OR5D16: variants seen among roughly 807,000 people sequenced by gnomAD.
OR5D16 encodes the protein olfactory receptor 5D16.
For missense variants in OR5D16, 477 were observed against 385.5 expected (o/e 1.24, Z -1.99); for synonymous variants, 185 against 153.2 (o/e 1.21, Z -1.53).
In OR5D16 at chr11:55,839,702, G is replaced by A. The variant is rs373571239; in HGVS notation, c.951G>A (p.Arg317=). 8 of 1,593,484 alleles carry A rather than the reference G, an allele frequency of 5.0e-6. No homozygotes were observed. The African/African-American group carries it at 6.7e-5, about 13-fold the overall frequency. Residue 317 remains arginine (R), a synonymous_variant, in exon 1 of 1, where the codon AGG becomes AGA. Transcript: ENST00000378396. The stretch of plus-strand genomic sequence containing the variant: ...CAAAATATTTTCATATTAAACATAG[G>A]CATTGGTATCCATTTAATTTTGTTA... ...INTKYFHIKH[R]HWYPFNFVIE...
At position 55,838,992 on chromosome 11, in the gene OR5D16, C is replaced by G; in HGVS notation, c.241C>G (p.Pro81Ala). The G allele has an allele frequency of 6.2e-7, 1 of 1,613,958 alleles. No individual in the cohort carries two copies. Among genetic ancestry groups the G allele is most frequent in the Non-Finnish European group, 8.5e-7 (1 of 1,179,858 alleles). The change falls in exon 1 of 1, where the codon CCC becomes GCC. Residue 81 changes from proline to alanine, a missense_variant. By Grantham distance (27) the Pro-to-Ala change is conservative (BLOSUM62 -1). Transcript: ENST00000378396. ...TTTCTGCTATTCCTCCATCATTGCT[C>G]CCATGATGCTGGTGAACCTGGTTGT... Reference protein sequence around the residue: ...VDFCYSSIIAPMMLVNLVVED... With the variant: ...VDFCYSSIIAAMMLVNLVVED...
In OR5D16 at chr11:55,839,012, G is replaced by C. The variant is rs1215799916; in HGVS notation, c.261G>C (p.Leu87=). Residue 87 remains leucine, a synonymous_variant, in exon 1 of 1, where the codon CTG becomes CTC. Coordinates refer to ENST00000378396, the MANE Select transcript of OR5D16 (RefSeq NM_001005496.1). The part of the protein sequence containing the change: ...SIIAPMMLVN[L]VVEDRTISFS... ...TTGCTCCCATGATGCTGGTGAACCTGGTTGTAGAAGATAGAACCATTTCAT... is the reference window on the plus strand; with the variant it reads ...TTGCTCCCATGATGCTGGTGAACCTCGTTGTAGAAGATAGAACCATTTCAT... 1 of 1,614,056 alleles carries C rather than the reference G, an allele frequency of 6.2e-7. No individual in the cohort carries two copies. The highest frequency in any genetic ancestry group is 1.7e-5 in the Admixed American group (1 of 60,002).
rs1179383611 is a variant in OR5D16, at chr11:55,838,984, T to A, written c.233T>A (p.Ile78Asn). The part of the protein sequence containing the change: ...LSFVDFCYSS[I>N]IAPMMLVNLV... ...TTTGTGGATTTCTGCTATTCCTCCA[T>A]CATTGCTCCCATGATGCTGGTGAAC... is the stretch of plus-strand genomic sequence containing the variant. Residue 78 changes from isoleucine to asparagine, a missense_variant, in exon 1 of 1, where the codon ATC becomes AAC. Transcript: ENST00000378396. 1.9e-6 allele frequency: 3 copies of A among 1,613,982 alleles called. No individual in the cohort carries two copies. The highest frequency in any genetic ancestry group is 1.3e-5 in the African/African-American group (1 of 74,918).
In OR5D16 at chr11:55,839,044, G is replaced by A; in HGVS notation, c.293G>A (p.Gly98Glu). The stretch of plus-strand genomic sequence containing the variant: ...GAAGATAGAACCATTTCATTCTCAG[G>A]ATGTTTGGTGCAATTCTTTTTCTTT... ...VVEDRTISFS[G>E]CLVQFFFFCT... Residue 98 changes from glycine to glutamate, a missense_variant, in exon 1 of 1, where the codon GGA (glycine) becomes GAA (glutamate). Transcript: ENST00000378396. 6.2e-7 allele frequency: 1 copy of A among 1,613,978 alleles called. No individual in the cohort carries two copies. Among genetic ancestry groups the A allele is most frequent in the Non-Finnish European group, 8.5e-7 (1 of 1,179,958 alleles).
At position 55,839,048 on chromosome 11, in the gene OR5D16, T is replaced by C; in HGVS notation, c.297T>C (p.Cys99=). The C allele has an allele frequency of 6.2e-7, 1 of 1,614,062 alleles. No homozygotes were observed. The highest frequency in any genetic ancestry group is 1.1e-5 in the South Asian group (1 of 91,084). The change falls in exon 1 of 1, where the codon TGT becomes TGC. Residue 99 remains cysteine, a synonymous_variant. Transcript: ENST00000378396. ...VEDRTISFSG[C]LVQFFFFCTF... is the part of the protein sequence containing the mutation. ...ATAGAACCATTTCATTCTCAGGATG[T>C]TTGGTGCAATTCTTTTTCTTTTGCA...
Position 55,839,461 on chromosome 11 carries a change from G to T in OR5D16, c.710G>T (p.Arg237Leu). 2 of 1,613,902 alleles carry T rather than the reference G, an allele frequency of 1.2e-6. No homozygotes were observed. The highest frequency in any genetic ancestry group is 1.7e-6 in the Non-Finnish European group (2 of 1,179,928). The change falls in exon 1 of 1, where the codon CGC becomes CTC. Residue 237 changes from arginine to leucine, a missense_variant. Arg to Leu is a moderately radical substitution (Grantham distance 102, BLOSUM62 -2). Coordinates refer to ENST00000378396, the MANE Select transcript of OR5D16 (RefSeq NM_001005496.1). ...TLKMPSASGHRKVFSTCASHL... is the reference protein window; with the variant it reads ...TLKMPSASGHLKVFSTCASHL... ...AAGATGCCTTCAGCCAGTGGGCACC[G>T]CAAAGTCTTCTCCACCTGTGCCTCC...
rs1854059627 is a variant in OR5D16 at position 55,839,376 on chromosome 11, G to A, written c.625G>A (p.Glu209Lys). ...LLLFTVATFNEISTLLIILTS... is the reference protein window; with the variant it reads ...LLLFTVATFNKISTLLIILTS... ...TCTTTTCACTGTTGCCACTTTTAAT[G>A]AGATAAGCACACTACTCATCATTCT... is the stretch of plus-strand genomic sequence containing the variant. The change falls in exon 1 of 1, where the codon GAG becomes AAG. Residue 209 changes from glutamate (E) to lysine (K), a missense_variant. Physicochemically the swap from Glu to Lys is moderately conservative, Grantham distance 56. Transcript: ENST00000378396. The A allele has an allele frequency of 6.2e-7, 1 of 1,613,896 alleles. No homozygotes were observed. The highest frequency in any genetic ancestry group is 1.1e-5 in the South Asian group (1 of 91,080).
Position 55,839,425 on chromosome 11 carries a change from T to C in OR5D16, c.674T>C (p.Val225Ala), listed in dbSNP as rs1854063576. Residue 225 changes from valine to alanine, a missense_variant, in exon 1 of 1, where the codon GTC becomes GCC. Val to Ala is a moderately conservative substitution (Grantham distance 64). Coordinates refer to ENST00000378396, the MANE Select transcript of OR5D16 (RefSeq NM_001005496.1). ...IILTSYAFII[V>A]TTLKMPSASG... is the part of the protein sequence containing the mutation. The stretch of plus-strand genomic sequence containing the variant: ...CTGACATCTTATGCATTCATCATTG[T>C]CACCACCTTGAAGATGCCTTCAGCC... 1 of 1,614,074 alleles carries C rather than the reference T, an allele frequency of 6.2e-7. No homozygotes were observed. Among genetic ancestry groups the C allele is most frequent in the East Asian group, 2.2e-5 (1 of 44,868 alleles).
In OR5D16 at chr11:55,839,387, A is replaced by G; in HGVS notation, c.636A>G (p.Thr212=). 1 of 1,614,008 alleles carries G rather than the reference A, an allele frequency of 6.2e-7. No homozygotes were observed. The highest frequency in any genetic ancestry group is 8.5e-7 in the Non-Finnish European group (1 of 1,179,906). The part of the protein sequence containing the change: ...FTVATFNEIS[T]LLIILTSYAF... ...TTGCCACTTTTAATGAGATAAGCAC[A>G]CTACTCATCATTCTGACATCTTATG... is the stretch of plus-strand genomic sequence containing the variant. Residue 212 remains threonine (T), a synonymous_variant, in exon 1 of 1, where the codon ACA becomes ACG. Transcript: ENST00000378396.
Position 55,838,997 on chromosome 11 carries a change from G to C in OR5D16, c.246G>C (p.Met82Ile). The C allele has an allele frequency of 6.2e-7, 1 of 1,614,062 alleles. No individual in the cohort carries two copies. Among genetic ancestry groups the C allele is most frequent in the African/African-American group, 1.3e-5 (1 of 75,038 alleles). Residue 82 changes from methionine to isoleucine, a missense_variant, in exon 1 of 1, where the codon ATG (methionine) becomes ATC (isoleucine). Coordinates refer to ENST00000378396, the MANE Select transcript of OR5D16 (RefSeq NM_001005496.1). ...GCTATTCCTCCATCATTGCTCCCATGATGCTGGTGAACCTGGTTGTAGAAG... is the reference window on the plus strand; with the variant it reads ...GCTATTCCTCCATCATTGCTCCCATCATGCTGGTGAACCTGGTTGTAGAAG... The part of the protein sequence containing the change: ...DFCYSSIIAP[M>I]MLVNLVVEDR...
chr11:55,839,525 C>T lies in OR5D16; in HGVS notation c.774C>T (p.Leu258=), dbSNP rs759786494. 21 of 1,614,134 alleles carry T rather than the reference C, an allele frequency of 1.3e-5. No homozygotes were observed. The highest frequency in any genetic ancestry group is 1.8e-5 in the Non-Finnish European group (21 of 1,179,984). The change falls in exon 1 of 1, where the codon CTC becomes CTT. Residue 258 remains leucine, a synonymous_variant. Transcript: ENST00000378396. The part of the protein sequence containing the change: ...TAITIFHGTI[L]FLYCVPNSKN... Reference sequence around the variant, plus strand: ...TCACCATCTTCCATGGCACCATCCTCTTCCTCTACTGTGTACCCAACTCCA... The same window carrying T: ...TCACCATCTTCCATGGCACCATCCTTTTCCTCTACTGTGTACCCAACTCCA...
Position 55,839,523 on chromosome 11 carries a change from C to T in OR5D16, c.772C>T (p.Leu258Phe), listed in dbSNP as rs1325107304. 3.1e-6 allele frequency: 5 copies of T among 1,614,122 alleles called. No homozygotes were observed. Among genetic ancestry groups the T allele is most frequent in the South Asian group, 2.2e-5 (2 of 91,084 alleles). The part of the protein sequence containing the change: ...TAITIFHGTI[L>F]FLYCVPNSKN... ...CATCACCATCTTCCATGGCACCATCCTCTTCCTCTACTGTGTACCCAACTC... is the reference window on the plus strand; with the variant it reads ...CATCACCATCTTCCATGGCACCATCTTCTTCCTCTACTGTGTACCCAACTC... The change falls in exon 1 of 1, where the codon CTC becomes TTC. Residue 258 changes from leucine to phenylalanine, a missense_variant. Physicochemically the swap from Leu to Phe is conservative, Grantham distance 22. Transcript: ENST00000378396.
rs577805845 is a variant in OR5D16 at position 55,839,598 on chromosome 11, G to T, written c.847G>T (p.Val283Leu). ...VKVASVFYTV[V>L]IPLLNPLIYS... is the part of the protein sequence containing the mutation. ...AGTGGCCTCTGTGTTTTACACCGTG[G>T]TGATCCCCTTGTTGAATCCCCTGAT... The change falls in exon 1 of 1, where the codon GTG becomes TTG. Residue 283 changes from valine (V) to leucine (L), a missense_variant. Coordinates refer to ENST00000378396, the MANE Select transcript of OR5D16 (RefSeq NM_001005496.1). 19 of 1,613,956 alleles carry T rather than the reference G, an allele frequency of 1.2e-5. No individual in the cohort carries two copies. Among genetic ancestry groups the T allele is most frequent in the South Asian group, 4.4e-5 (4 of 91,066 alleles).
rs1362556633 is a variant in OR5D16 at position 55,838,787 on chromosome 11, C to A, written c.36C>A (p.Ala12=). The change falls in exon 1 of 1, where the codon GCC becomes GCA. Residue 12 remains alanine (A), a synonymous_variant. Transcript: ENST00000378396. ...FLTERNTTSE[A]TFTLLGFSDY... is the part of the protein sequence containing the mutation. ...CAGAGAGAAATACGACATCTGAGGC[C>A]ACATTCACTCTCTTGGGCTTCTCAG... The A allele has an allele frequency of 3.7e-6, 6 of 1,612,604 alleles. 1 individual carries two copies. The South Asian group carries it at 5.5e-5, about 15-fold the overall frequency.
At position 55,839,638 on chromosome 11, in the gene OR5D16, A is replaced by G. The variant is rs147045426; in HGVS notation, c.887A>G (p.Asn296Ser). ...LLNPLIYSLR[N>S]KDVKDAIRKI... is the part of the protein sequence containing the mutation. ...AATCCCCTGATCTACAGTCTGAGAA[A>G]TAAAGATGTTAAGGATGCAATCCGA... Residue 296 changes from asparagine to serine, a missense_variant, in exon 1 of 1, where the codon AAT becomes AGT. Coordinates refer to ENST00000378396, the MANE Select transcript of OR5D16 (RefSeq NM_001005496.1). The G allele has an allele frequency of 2.1e-5, 34 of 1,613,886 alleles. No homozygotes were observed. In the African/African-American group the frequency reaches 3.6e-4, roughly 17 times the overall value.
chr11:55,838,864 G>C lies in OR5D16; in HGVS notation c.113G>C (p.Gly38Ala). The part of the protein sequence containing the change: ...PLFFVFLAVY[G>A]FSVVGNLGMI... Reference sequence around the variant, plus strand: ...TTCTTTGTATTTCTGGCAGTCTACGGCTTCAGTGTGGTAGGGAATCTTGGG... The same window carrying C: ...TTCTTTGTATTTCTGGCAGTCTACGCCTTCAGTGTGGTAGGGAATCTTGGG... Residue 38 changes from glycine (G) to alanine (A), a missense_variant, in exon 1 of 1, where the codon GGC becomes GCC. Physicochemically the swap from Gly to Ala is moderately conservative, Grantham distance 60 (BLOSUM62 0). Coordinates refer to ENST00000378396, the MANE Select transcript of OR5D16 (RefSeq NM_001005496.1). The C allele has an allele frequency of 6.2e-7, 1 of 1,614,018 alleles. No homozygotes were observed. Among genetic ancestry groups the C allele is most frequent in the South Asian group, 1.1e-5 (1 of 91,088 alleles).
Position 55,839,707 on chromosome 11 carries a change from G to C in OR5D16, c.956G>C (p.Trp319Ser), listed in dbSNP as rs200328545. The change falls in exon 1 of 1, where the codon TGG becomes TCG. Residue 319 changes from tryptophan to serine, a missense_variant. Physicochemically the swap from Trp to Ser is radical, Grantham distance 177. Coordinates refer to ENST00000378396, the MANE Select transcript of OR5D16 (RefSeq NM_001005496.1). Reference protein sequence around the residue: ...TKYFHIKHRHWYPFNFVIEQ With the variant: ...TKYFHIKHRHSYPFNFVIEQ ...TATTTTCATATTAAACATAGGCATT[G>C]GTATCCATTTAATTTTGTTATTGAA... The C allele has an allele frequency of 7.0e-5, 112 of 1,590,138 alleles. No homozygotes were observed. In the Middle Eastern group the frequency reaches 1.0e-3, roughly 14 times the overall value.
rs1046156906 is a variant in OR5D16 at position 55,838,948 on chromosome 11, A to G, written c.197A>G (p.Asn66Ser). ...KLHTPMYFFLNHLSFVDFCYS... is the reference protein window; with the variant it reads ...KLHTPMYFFLSHLSFVDFCYS... ...CATACCCCCATGTATTTTTTCCTCA[A>G]CCACCTCTCCTTTGTGGATTTCTGC... The change falls in exon 1 of 1, where the codon AAC becomes AGC. Residue 66 changes from asparagine (N) to serine (S), a missense_variant. By Grantham distance (46) the Asn-to-Ser change is conservative (BLOSUM62 1). Coordinates refer to ENST00000378396, the MANE Select transcript of OR5D16 (RefSeq NM_001005496.1). The G allele has an allele frequency of 3.7e-6, 6 of 1,613,774 alleles. No homozygotes were observed. In the African/African-American group the frequency reaches 5.3e-5, roughly 14 times the overall value.
rs1431183255 is a variant in OR5D16, at chr11:55,839,207, A to G, written c.456A>G (p.Ala152=). 5 of 1,613,840 alleles carry G rather than the reference A, an allele frequency of 3.1e-6. No homozygotes were observed. The highest frequency in any genetic ancestry group is 2.2e-5 in the East Asian group (1 of 44,876). The change falls in exon 1 of 1, where the codon GCA becomes GCG. Residue 152 remains alanine, a synonymous_variant. Transcript: ENST00000378396. ...LCAMLVVVLY[A]WGVACSLTLA... ...CCATGCTGGTGGTTGTATTGTATGCATGGGGAGTCGCATGTTCCCTGACAC... is the reference window on the plus strand; with the variant it reads ...CCATGCTGGTGGTTGTATTGTATGCGTGGGGAGTCGCATGTTCCCTGACAC...
Sources: allele counts gnomAD v4.1 joint callset, GRCh38; gene constraint gnomAD v4.1.1; transcripts MANE v1.5; gene names NCBI Gene and HGNC (gene_info 2026-07-23, HGNC 2026-07-21).